Variants in ABCC6 observed in about 807,000 individuals in gnomAD.
ABCC6 encodes ATP-binding cassette sub-family C member 6.
Under a neutral mutation model 169.5 loss-of-function variants are expected in ABCC6, and 126 were observed. That is an observed-to-expected ratio of 0.74 (90% CI 0.64 to 0.86). The LOEUF (loss-of-function observed/expected upper bound fraction) is 0.86, where lower values mean the gene tolerates loss of function less well. Among genes scored for constraint, ABCC6 ranks in the 40% least tolerant of loss-of-function variants. The probability of loss-of-function intolerance (pLI) is 0.00; values close to 1 mark genes in which losing one functional copy is unlikely to be tolerated. For synonymous variants in ABCC6, 752 were observed against 814.7 expected, an observed-to-expected ratio of 0.92 and a Z score of 1.31; for missense variants, 1,733 against 1,927.2, an observed-to-expected ratio of 0.90 and a Z score of 1.89.
At chr16:16,211,338 T>A (rs994040694) in intron 6 of ABCC6, among the ~76,000 whole-genome samples, 3 of 151,782 alleles carry the variant, frequency 2.0e-5, no homozygotes, top group Admixed American at 1.3e-4. Context: ...GAGGCGGAGG[T>A]TGCAGTGAGC....
intron 4 of ABCC6, among the ~76,000 whole-genome samples, chr16:16,214,964 C>A (rs1345424655): frequency 3.4e-4 from 51 of 152,140 alleles, no homozygotes; most frequent in Admixed American, 3.3e-3. Context: ...AAATGGTGGG[C>A]CAGGGCTGCG....
At chr16:16,159,271 C>A (rs1417307861) in intron 26 of ABCC6, among the ~76,000 whole-genome samples, 2 of 152,150 alleles carry the variant, frequency 1.3e-5, no homozygotes, top group African/African-American at 4.8e-5. Flanking sequence ...AGCTCAGAAG[C>A]AAAGGAACCA....
chr16:16,149,809 G>C lies in ABCC6; in HGVS notation c.*324C>G. The C allele has an allele frequency of 2.1e-6, 1 of 473,174 alleles. No individual in the cohort carries two copies. Among genetic ancestry groups the C allele is most frequent in the Non-Finnish European group, 3.9e-6 (1 of 256,792 alleles). 29.3% of individuals were successfully genotyped at this position (473,174 alleles called of 1,614,324 possible). ...CCCAGCCTCAGAGATTCTGATTTAA[G>C]GGTCTAGCCGGGAGCCTGGGCATGT... On this transcript the variant is annotated 3_prime_UTR_variant, in exon 31 of 31. Coordinates refer to ENST00000205557, the MANE Select transcript of ABCC6 (RefSeq NM_001171.6).
chr16:16,181,158 A>T (rs1054144925), intron 17 of ABCC6, among the ~76,000 whole-genome samples: 1 of 151,802 alleles, frequency 6.6e-6, no homozygotes, highest in South Asian at 2.1e-4. Flanking sequence ...ACAAAAAAAA[A>T]TTAGCCAGTT....
chr16:16,159,097 G>T (rs2046633979), intron 26 of ABCC6, among the ~76,000 whole-genome samples: 1 of 152,090 alleles, frequency 6.6e-6, no homozygotes, highest in South Asian at 2.1e-4. Flanking sequence ...TGGTTATGTT[G>T]CTGTTACATT....
At chr16:16,202,814 C>T (rs1237012429) in intron 8 of ABCC6, among the ~76,000 whole-genome samples, 2 of 152,200 alleles carry the variant, frequency 1.3e-5, no homozygotes, top group Non-Finnish European at 2.9e-5. Context: ...GTCAGCTGAG[C>T]AGACACCACT....
rs559231610 is a variant in ABCC6 at position 16,215,440 on chromosome 16, T to G, written c.475-991A>C. On this transcript the variant is annotated intron_variant, in intron 4 of 30. Coordinates refer to ENST00000205557, the MANE Select transcript of ABCC6 (RefSeq NM_001171.6). ...GCATTTTTTATTTTTTAATTTTAGGTGTGTGTGTGTGTGTGTGTGTGTGTG... is the reference window on the plus strand; with the variant it reads ...GCATTTTTTATTTTTTAATTTTAGGGGTGTGTGTGTGTGTGTGTGTGTGTG... Among the ~76,000 whole-genome samples the G allele has an allele frequency of 1.7e-3, 52 of 30,426 alleles. No homozygotes were observed. The East Asian group carries it at 0.045, about 26-fold the overall frequency. The allele number at this position is 30,426 out of a possible 152,430, so 20.0% of individuals were successfully genotyped here.
chr16:16,150,504 C>T, intron 30 of ABCC6, 74 bp downstream of exon 30: 5 of 1,551,642 alleles, frequency 3.2e-6, no homozygotes, highest in Admixed American at 1.8e-5. Flanking sequence ...AGCCCAGTGG[C>T]CCAGGACTGC....
intron 7 of ABCC6, 129 bp downstream of exon 7, chr16:16,208,599 C>T (rs1351674461): frequency 2.0e-5 from 30 of 1,480,178 alleles, no homozygotes; most frequent in African/African-American, 4.2e-5. Context: ...GTCTTGAACT[C>T]CTGACCTTGT....
chr16:16,158,751 G>A (rs1288158013), intron 26 of ABCC6, among the ~76,000 whole-genome samples: 1 of 151,974 alleles, frequency 6.6e-6, no homozygotes, highest in Non-Finnish European at 1.5e-5. Flanking sequence ...TTGCTATTCC[G>A]TTACTATAAT....
At position 16,154,263 on chromosome 16, in the gene ABCC6, C is replaced by CAAA. The variant is rs569078423; in HGVS notation, c.4208+362_4208+364dup. Among the ~76,000 whole-genome samples, 1,338 of 146,174 alleles carry CAAA rather than the reference C, an allele frequency of 9.2e-3. 10 individuals carry two copies. The highest frequency in any genetic ancestry group is 0.037 in the South Asian group (170 of 4,634). On this transcript the variant is annotated intron_variant, in intron 29 of 30. Transcript: ENST00000205557. ...TGCCCAGTCCACACTTGACATTTACCAAAAAAAAAAATCCTATATTATAGT... is the reference window on the plus strand; with the variant it reads ...TGCCCAGTCCACACTTGACATTTACCAAAAAAAAAAAAAATCCTATATTATAGT...
rs2048483499 is a variant in ABCC6, at chr16:16,208,709, T to A, written c.794+19A>T. The stretch of plus-strand genomic sequence containing the variant: ...TTCTGAAGTAGCATCAGGTGAGTTC[T>A]TGACCTCCACCCACTTACCTCCGGG... On this transcript the variant is annotated intron_variant, in intron 7 of 30. Transcript: ENST00000205557. The A allele has an allele frequency of 6.2e-7, 1 of 1,613,688 alleles. No homozygotes were observed. The highest frequency in any genetic ancestry group is 2.2e-5 in the East Asian group (1 of 44,860).
chr16:16,150,664 C>G lies in ABCC6; in HGVS notation c.4317G>C (p.Gln1439His). 6.2e-7 allele frequency: 1 copy of G among 1,613,630 alleles called. No individual in the cohort carries two copies. Among genetic ancestry groups the G allele is most frequent in the Middle Eastern group, 1.7e-4 (1 of 6,060 alleles). The change falls in exon 30 of 31, where the codon CAG (glutamine) becomes CAC (histidine). Residue 1439 changes from glutamine to histidine, a missense_variant. By Grantham distance (24) the Gln-to-His change is conservative. Coordinates refer to ENST00000205557, the MANE Select transcript of ABCC6 (RefSeq NM_001171.6). ...ACCAGCTCCCGAGCATGGCCTGCAT[C>G]TGCAGCTCCGTGCCAGGGTCCACGG... ...TAAVDPGTEL[Q>H]MQAMLGSWFA...
At position 16,159,582 on chromosome 16, in the gene ABCC6, A is replaced by C; in HGVS notation, c.3635T>G (p.Val1212Gly). ...VGFSVSAALQ[V>G]TQTLQWVVRN... ...AACAACCCACTGCAGTGTCTGGGTC[A>C]CCTGGTGCAAGAAAGCCTCTCTGGC... Residue 1212 changes from valine to glycine, a missense_variant and splice_region_variant, in exon 26 of 31, where the codon GTG becomes GGG. Val to Gly is a moderately radical substitution (Grantham distance 109). Transcript: ENST00000205557. The C allele has an allele frequency of 3.1e-6, 5 of 1,614,068 alleles. No individual in the cohort carries two copies. The highest frequency in any genetic ancestry group is 4.2e-6 in the Non-Finnish European group (5 of 1,179,946).
At chr16:16,206,628 G>A (rs945243493) in intron 7 of ABCC6, among the ~76,000 whole-genome samples, 3 of 151,874 alleles carry the variant, frequency 2.0e-5, no homozygotes, top group African/African-American at 7.3e-5. Context: ...AGAAGCTGAC[G>A]GAGCCTGGTC....
chr16:16,181,536 C>T (rs1292112882), intron 17 of ABCC6, among the ~76,000 whole-genome samples: 2 of 151,934 alleles, frequency 1.3e-5, no homozygotes, highest in Non-Finnish European at 2.9e-5. Context: ...GTGCAAAGGC[C>T]CTGGGGCCAG....
chr16:16,202,663 G>A (rs984402109), intron 8 of ABCC6, among the ~76,000 whole-genome samples: 3 of 151,948 alleles, frequency 2.0e-5, no homozygotes, highest in African/African-American at 7.3e-5. Context: ...GGGAGGAGGT[G>A]GCCAACTGCA....
chr16:16,190,280 C>G lies in ABCC6; in HGVS notation c.1519G>C (p.Glu507Gln), dbSNP rs368017088. 23 of 1,614,124 alleles carry G rather than the reference C, an allele frequency of 1.4e-5. No individual in the cohort carries two copies. Among genetic ancestry groups the G allele is most frequent in the Non-Finnish European group, 1.8e-5 (21 of 1,180,028 alleles). ...AGGACTCTGTCCAGAAAGGCTCCCT[C>G]CCAGCCATGGAACTTGATGGTCTTC... ...NSKTIKFHGW[E>Q]GAFLDRVLGI... The change falls in exon 12 of 31, where the codon GAG becomes CAG. Residue 507 changes from glutamate (E) to glutamine (Q), a missense_variant. Coordinates refer to ENST00000205557, the MANE Select transcript of ABCC6 (RefSeq NM_001171.6).
intron 13 of ABCC6, among the ~76,000 whole-genome samples, 163 bp from the exon 14 acceptor site, chr16:16,187,374 C>T (rs372504577): frequency 4.6e-5 from 7 of 152,304 alleles, no homozygotes; most frequent in Admixed American, 2.0e-4. Flanking sequence ...CGATGCAACC[C>T]GAGTGGTGAC....
Sources: allele counts gnomAD v4.1 joint callset (sites outside exome capture counted in the v4.1 genomes callset), GRCh38; gene constraint gnomAD v4.1.1; transcripts MANE v1.5; gene names NCBI Gene and HGNC (gene_info 2026-07-23, HGNC 2026-07-21).